Variants in TRMT61A observed in about 807,000 individuals in gnomAD.
The protein encoded by TRMT61A is tRNA (adenine(58)-N(1))-methyltransferase catalytic subunit TRMT61A.
Under a neutral mutation model 21.3 loss-of-function variants are expected in TRMT61A, and 15 were observed. That is an observed-to-expected ratio of 0.70 (90% confidence interval 0.47 to 1.08). The LOEUF is 1.08. Ranked by LOEUF, TRMT61A falls within the 50% of genes least tolerant of loss-of-function variation. The pLI, the probability that TRMT61A is intolerant of heterozygous loss-of-function variation, is 0.00. For missense variants in TRMT61A, 352 were observed against 426.7 expected, an observed-to-expected ratio of 0.83 and a Z score of 1.54; for synonymous variants, 183 against 185.5, an observed-to-expected ratio of 0.99 and a Z score of 0.11.
At chr14:103,532,504 TG>T (rs2075958008) in intron 2 of TRMT61A, 77 bp from the exon 3 acceptor site, 8 of 1,563,980 alleles carry the variant, frequency 5.1e-6, no homozygotes, top group Non-Finnish European at 7.0e-6. Context: ...CAGGGTGAGG[TG>T]GGGGTTGTTT....
intron 1 of TRMT61A, 82 bp from the exon 2 acceptor site, chr14:103,529,868 T>A: frequency 9.6e-7 from 1 of 1,041,438 alleles, no homozygotes; most frequent in Non-Finnish European, 1.4e-6. Context: ...TGCTGGGATG[T>A]AGGCCTCGAA....
In TRMT61A at chr14:103,536,450, C is replaced by T. The variant is rs2075974250; in HGVS notation, c.*1629C>T. 1 of 152,268 alleles carries T rather than the reference C, an allele frequency of 6.6e-6. No individual in the cohort carries two copies. Among genetic ancestry groups the T allele is most frequent in the Non-Finnish European group, 1.5e-5 (1 of 68,094 alleles). 9.4% of individuals were successfully genotyped at this position (152,268 alleles called of 1,614,324 possible). ...GAGTTGCTCAGCCCTGCTCCGAGGG[C>T]TTGTCCTCTCCTTCCAGGACCCAGC... On this transcript the variant is annotated 3_prime_UTR_variant, in exon 4 of 4. Coordinates refer to ENST00000389749, the MANE Select transcript of TRMT61A (RefSeq NM_152307.3).
chr14:103,530,565 G>C (rs574957038), intron 2 of TRMT61A, among the ~76,000 whole-genome samples: 2 of 152,348 alleles, frequency 1.3e-5, no homozygotes, highest in East Asian at 3.8e-4. Flanking sequence ...TGAGGGTCCT[G>C]CTTGCCTTGG....
Position 103,535,527 on chromosome 14 carries a change from G to A in TRMT61A, c.*706G>A. 8.6e-6 allele frequency: 3 copies of A among 349,564 alleles called. No individual in the cohort carries two copies. Among genetic ancestry groups the A allele is most frequent in the South Asian group, 6.3e-5 (3 of 47,422 alleles). The allele number at this position is 349,564 out of a possible 1,614,324, so 21.7% of individuals were successfully genotyped here. A position where few individuals can be genotyped will look rare whatever the true frequency, so the allele number is the denominator to read the frequency against. ...GCTGCACTCGCTGAGGCCAGGCAGC[G>A]CTGCGGAGAGGAGCGGCAGAGTGGG... On this transcript the variant is annotated 3_prime_UTR_variant, in exon 4 of 4. Coordinates refer to ENST00000389749, the MANE Select transcript of TRMT61A (RefSeq NM_152307.3).
In TRMT61A at chr14:103,532,735, A is replaced by G. The variant is rs762704130; in HGVS notation, c.485A>G (p.Gln162Arg). 22 of 1,607,866 alleles carry G rather than the reference A, an allele frequency of 1.4e-5. No individual in the cohort carries two copies. In the African/African-American group the frequency reaches 2.5e-4, roughly 19 times the overall value. Residue 162 changes from glutamine (Q) to arginine (R), a missense_variant, in exon 3 of 4, where the codon CAG (glutamine) becomes CGG (arginine). Gln to Arg is a conservative substitution (Grantham distance 43). Coordinates refer to ENST00000389749, the MANE Select transcript of TRMT61A (RefSeq NM_152307.3). ...RVGRWVTVRT[Q>R]DVCRSGFGVS... is the part of the protein sequence containing the mutation. Reference sequence around the variant, plus strand: ...GGCCGCTGGGTGACTGTGCGCACCCAGGACGTGTGCCGCAGTGGCTTTGGC... The same window carrying G: ...GGCCGCTGGGTGACTGTGCGCACCCGGGACGTGTGCCGCAGTGGCTTTGGC...
intron 3 of TRMT61A, 24 bp from the exon 4 acceptor site, chr14:103,534,526 A>G: frequency 6.5e-7 from 1 of 1,535,880 alleles, no homozygotes; most frequent in Non-Finnish European, 8.8e-7. Context: ...CTGCCCTCTG[A>G]CCCTCGGGTC....
rs1300116436 is a variant in TRMT61A, at chr14:103,536,349, C to G, written c.*1528C>G. 6.6e-6 allele frequency: 1 copy of G among 152,496 alleles called. No homozygotes were observed. Among genetic ancestry groups the G allele is most frequent in the East Asian group, 1.9e-4 (1 of 5,200 alleles). 9.4% of individuals were successfully genotyped at this position (152,496 alleles called of 1,614,324 possible). ...GAAGGAAGGGTCCACTCCAGGCCGCCTGGTCCCTGCGAAGTGTCACACTGT... is the reference window on the plus strand; with the variant it reads ...GAAGGAAGGGTCCACTCCAGGCCGCGTGGTCCCTGCGAAGTGTCACACTGT... On this transcript the variant is annotated 3_prime_UTR_variant, in exon 4 of 4. Coordinates refer to ENST00000389749, the MANE Select transcript of TRMT61A (RefSeq NM_152307.3).
rs1486226850 is a variant in TRMT61A, at chr14:103,532,758, G to A, written c.508G>A (p.Gly170Ser). 5.6e-6 allele frequency: 9 copies of A among 1,593,654 alleles called. No individual in the cohort carries two copies. Among genetic ancestry groups the A allele is most frequent in the African/African-American group, 1.3e-5 (1 of 74,346 alleles). Residue 170 changes from glycine to serine, a missense_variant, in exon 3 of 4, where the codon GGC (glycine) becomes AGC (serine). Physicochemically the swap from Gly to Ser is moderately conservative, Grantham distance 56 (BLOSUM62 0). Transcript: ENST00000389749. ...CCAGGACGTGTGCCGCAGTGGCTTT[G>A]GCGTGAGCCACGTGGCCGACGCCGT... ...RTQDVCRSGF[G>S]VSHVADAVFL... is the part of the protein sequence containing the mutation.
In TRMT61A at chr14:103,531,633, G is replaced by A. The variant is rs1267386004; in HGVS notation, c.332-949G>A. Among the ~76,000 whole-genome samples, 3 of 152,202 alleles carry A rather than the reference G, an allele frequency of 2.0e-5. No homozygotes were observed. The highest frequency in any genetic ancestry group is 6.5e-5 in the Admixed American group (1 of 15,286). On this transcript the variant is annotated intron_variant, in intron 2 of 3. Coordinates refer to ENST00000389749, the MANE Select transcript of TRMT61A (RefSeq NM_152307.3). This position sits in a 1 kb window ranked among gnomAD's most constrained non-coding sequence, Gnocchi z 5.1. Reference sequence around the variant, plus strand: ...ACCCAGGGGAGGGGCTGGACAGGTGGGGAGAGGGGCTGGCCCCTGAAAGGA... The same window carrying A: ...ACCCAGGGGAGGGGCTGGACAGGTGAGGAGAGGGGCTGGCCCCTGAAAGGA...
In TRMT61A at chr14:103,534,843, AGGGAGCT is replaced by A. The variant is rs144245883; in HGVS notation, c.*29_*35del. On this transcript the variant is annotated 3_prime_UTR_variant, in exon 4 of 4. Transcript: ENST00000389749. ...CTAGGGGGCCGCCTCCCAGGGCACC[AGGGAGCT>A]GGGAGCACTGAAGGGCTGGGCAGGG... 1 of 1,536,892 alleles carries A rather than the reference AGGGAGCT, an allele frequency of 6.5e-7. No individual in the cohort carries two copies. Among genetic ancestry groups the A allele is most frequent in the Non-Finnish European group, 8.7e-7 (1 of 1,144,176 alleles).
chr14:103,531,876 A>C lies in TRMT61A; in HGVS notation c.332-706A>C, dbSNP rs1386977309. Among the ~76,000 whole-genome samples the C allele has an allele frequency of 6.6e-6, 1 of 151,960 alleles. No individual in the cohort carries two copies. The highest frequency in any genetic ancestry group is 1.5e-5 in the Non-Finnish European group (1 of 67,958). ...AAGCTGGAGTGGGAGGAGGGATGCA[A>C]GCCTTGACCCTCTCCATAAGACAGG... is the stretch of plus-strand genomic sequence containing the variant. On this transcript the variant is annotated intron_variant, in intron 2 of 3. Transcript: ENST00000389749. The surrounding 1 kb of genome is among the most constrained non-coding windows in gnomAD (Gnocchi z 5.1).
At chr14:103,529,910 G>A (rs1401691946) in intron 1 of TRMT61A, 40 bp from the exon 2 acceptor site, 2 of 1,457,214 alleles carry the variant, frequency 1.4e-6, no homozygotes, top group Non-Finnish European at 1.8e-6. Context: ...CCCTCATCCT[G>A]CCTCCTGACT....
At position 103,535,288 on chromosome 14, in the gene TRMT61A, G is replaced by T. The variant is rs1403349193; in HGVS notation, c.*467G>T. On this transcript the variant is annotated 3_prime_UTR_variant, in exon 4 of 4. Transcript: ENST00000389749. Reference sequence around the variant, plus strand: ...GTGCTTCTCCAGTCCCCGGGCCGAGGCTCCAGCCTTGGCCAGAAGCTGGGG... The same window carrying T: ...GTGCTTCTCCAGTCCCCGGGCCGAGTCTCCAGCCTTGGCCAGAAGCTGGGG... The T allele has an allele frequency of 2.2e-6, 1 of 453,994 alleles. No individual in the cohort carries two copies. Among genetic ancestry groups the T allele is most frequent in the Admixed American group, 2.4e-5 (1 of 41,722 alleles). The allele number at this position is 453,994 out of a possible 1,614,324, so 28.1% of individuals were successfully genotyped here.
At chr14:103,530,358 TG>T in intron 2 of TRMT61A, 49 bp downstream of exon 2, 1 of 1,516,988 alleles carries the variant, frequency 6.6e-7, no homozygotes. Flanking sequence ...GACACAAAGG[TG>T]GAGGTCAGAG....
Position 103,530,218 on chromosome 14 carries a change from GC to G in TRMT61A, c.242del (p.Pro81ArgfsTer17). ...PTPELWTLNL[P>X]HRTQILYSTD... ...CGCCCGAGCTCTGGACGCTGAACCT[GC>G]CGCACCGCACGCAGATCCTCTACTC... is the stretch of plus-strand genomic sequence containing the variant. On this transcript the variant is annotated frameshift_variant, in exon 2 of 4. Coordinates refer to ENST00000389749, the MANE Select transcript of TRMT61A (RefSeq NM_152307.3). LOFTEE classifies it high-confidence loss of function. 1 of 1,612,036 alleles carries G rather than the reference GC, an allele frequency of 6.2e-7. No homozygotes were observed. Among genetic ancestry groups the G allele is most frequent in the Non-Finnish European group, 8.5e-7 (1 of 1,179,120 alleles).
At position 103,532,867 on chromosome 14, in the gene TRMT61A, G is replaced by C; in HGVS notation, c.598+19G>C. On this transcript the variant is annotated intron_variant, in intron 3 of 3. Transcript: ENST00000389749. ...GTCGAAGGTGCATCCGGGGTTCCGG[G>C]AGAGGTACAGCCTGGGTGGGGGTGG... The C allele has an allele frequency of 6.5e-7, 1 of 1,531,056 alleles. No individual in the cohort carries two copies. Among genetic ancestry groups the C allele is most frequent in the South Asian group, 1.2e-5 (1 of 82,136 alleles). 94.8% of individuals were successfully genotyped at this position (1,531,056 alleles called of 1,614,324 possible). A position where few individuals can be genotyped will look rare whatever the true frequency, so the allele number is the denominator to read the frequency against.
rs2075968356 is a variant in TRMT61A, at chr14:103,534,950, G to C, written c.*129G>C. 1.6e-6 allele frequency: 2 copies of C among 1,262,104 alleles called. No homozygotes were observed. The highest frequency in any genetic ancestry group is 2.2e-6 in the Non-Finnish European group (2 of 897,380). The allele number at this position is 1,262,104 out of a possible 1,614,324, so 78.2% of individuals were successfully genotyped here. A position where few individuals can be genotyped will look rare whatever the true frequency, so the allele number is the denominator to read the frequency against. On this transcript the variant is annotated 3_prime_UTR_variant, in exon 4 of 4. Coordinates refer to ENST00000389749, the MANE Select transcript of TRMT61A (RefSeq NM_152307.3). ...TGGGGTGGGGCTTGGGGGCCTCCTG[G>C]GTGGCCAGAGTGGGACAGCAGGAAG... is the stretch of plus-strand genomic sequence containing the variant.
chr14:103,533,682 CCG>C (rs1399029466), intron 3 of TRMT61A, among the ~76,000 whole-genome samples: 1 of 152,226 alleles, frequency 6.6e-6, no homozygotes, highest in Non-Finnish European at 1.5e-5. Context: ...CTCGGGGAAC[CCG>C]CGCCTGCCTC....
chr14:103,533,320 G>A (rs370270722), intron 3 of TRMT61A, among the ~76,000 whole-genome samples: 1 of 152,244 alleles, frequency 6.6e-6, no homozygotes, highest in East Asian at 1.9e-4. Context: ...TCTGGAGAAG[G>A]AGCAGCTCAG....
Sources: gnomAD v4.1 joint callset for allele counts (sites outside exome capture counted in the v4.1 genomes callset) on GRCh38, gnomAD v4.1.1 for gene constraint, Gnocchi (gnomAD v3.1) non-coding constraint, MANE v1.5 for transcripts, NCBI Gene and HGNC (gene_info 2026-07-23, HGNC 2026-07-21) for gene names.